Variants in SUGT1 observed in about 807,000 individuals in gnomAD.
SUGT1 encodes the protein SGT1 assembly cochaperone of MIS12 kinetochore complex.
In SUGT1, 15 loss-of-function variants were observed where a neutral mutation model predicts 56.1. The observed-to-expected ratio is 0.27, with a 90% confidence interval of 0.18 to 0.41. The LOEUF (loss-of-function observed/expected upper bound fraction) is 0.41, where lower values mean the gene tolerates loss of function less well. Among genes scored for constraint, SUGT1 ranks in the 10% least tolerant of loss-of-function variants. The pLI is 1.00. For missense variants in SUGT1, 347 were observed against 382.2 expected (o/e 0.91, Z 0.77); for synonymous variants, 123 against 128.6 (o/e 0.96, Z 0.30).
intron 11 of SUGT1, among the ~76,000 whole-genome samples, chr13:52,679,489 A>G (rs764344848): frequency 7.9e-5 from 12 of 152,186 alleles, no homozygotes; most frequent in Non-Finnish European, 1.3e-4. Context: ...TTTTCAGGCT[A>G]TTTATACTCT....
intron 12 of SUGT1, among the ~76,000 whole-genome samples, chr13:52,685,758 C>T (rs1339596188): frequency 6.6e-6 from 1 of 152,130 alleles, no homozygotes; most frequent in Non-Finnish European, 1.5e-5. Flanking sequence ...TCTATAATCT[C>T]CTTATCTAAT....
chr13:52,659,126 G>C, intron 4 of SUGT1, 53 bp from the exon 5 acceptor site: 1 of 1,385,954 alleles, frequency 7.2e-7, no homozygotes, highest in South Asian at 1.4e-5. Flanking sequence ...TAGAAAGAAG[G>C]TATTTTCCAG....
At chr13:52,670,745 T>G (rs1594243025) in intron 10 of SUGT1, among the ~76,000 whole-genome samples, 1 of 151,956 alleles carries the variant, frequency 6.6e-6, no homozygotes, top group Non-Finnish European at 1.5e-5. Context: ...GAGGCGGAGG[T>G]TGCAGTGAGC....
In SUGT1 at chr13:52,693,628, C is replaced by G. The variant is rs1963840522; in HGVS notation, c.*5793C>G. On this transcript the variant is annotated 3_prime_UTR_variant, in exon 13 of 13. Transcript: ENST00000310528. Reference sequence around the variant, plus strand: ...CTATGTAAAGGAGATAATAGGATCCCCCTCATGCCTCATGGTCTTAGTTGA... The same window carrying G: ...CTATGTAAAGGAGATAATAGGATCCGCCTCATGCCTCATGGTCTTAGTTGA... The G allele has an allele frequency of 6.6e-6, 1 of 151,676 alleles. No homozygotes were observed. The allele number at this position is 151,676 out of a possible 1,614,324, so 9.4% of individuals were successfully genotyped here.
intron 10 of SUGT1, among the ~76,000 whole-genome samples, chr13:52,668,360 G>A (rs2138137312): frequency 6.6e-6 from 1 of 152,288 alleles, no homozygotes; most frequent in Non-Finnish European, 1.5e-5. Context: ...GACATGTGAA[G>A]TTTCCTGTTG....
intron 9 of SUGT1, 47 bp downstream of exon 9, chr13:52,665,780 A>C (rs370981288): frequency 7.8e-7 from 1 of 1,280,964 alleles, no homozygotes; most frequent in African/African-American, 1.5e-5. Context: ...ATTATTTGCA[A>C]ATTTAGTATA....
rs1251507992 is a variant in SUGT1, at chr13:52,685,181, C to A, written c.901-2553C>A. On this transcript the variant is annotated intron_variant, in intron 12 of 12. Transcript: ENST00000310528. The stretch of plus-strand genomic sequence containing the variant: ...TCCTGAGCTGAAGTGATCCTCCCAC[C>A]TGAGCCTCCTAAGTAGCTTGCACTA... Among the ~76,000 whole-genome samples the A allele has an allele frequency of 4.6e-5, 7 of 151,682 alleles. No homozygotes were observed. In the East Asian group the frequency reaches 1.4e-3, roughly 29 times the overall value.
rs767610057 is a variant in SUGT1, at chr13:52,657,600, C to G, written c.165C>G (p.His55Gln). The change falls in exon 3 of 13, where the codon CAC (histidine) becomes CAG (glutamine). Residue 55 changes from histidine (H) to glutamine (Q), a missense_variant. Transcript: ENST00000310528. ...AQYYCQRAYCHILLGNYCVAV... is the reference protein window; with the variant it reads ...AQYYCQRAYCQILLGNYCVAV... ...ATTATTGTCAAAGAGCTTATTGTCA[C>G]ATTCTTCTTGGGAATTACTGTGGTA... 1.2e-6 allele frequency: 2 copies of G among 1,613,608 alleles called. No homozygotes were observed. Among genetic ancestry groups the G allele is most frequent in the East Asian group, 4.5e-5 (2 of 44,822 alleles).
At chr13:52,686,250 C>A (rs79475432) in intron 12 of SUGT1, among the ~76,000 whole-genome samples, 2,345 of 152,174 alleles carry the variant, frequency 0.015, 61 homozygotes, top group African/African-American at 0.053. Flanking sequence ...ATTATACAGA[C>A]TTGTCAAATG....
At chr13:52,663,057 A>G (rs1373249792) in intron 6 of SUGT1, 39 bp from the exon 7 acceptor site, 3 of 1,601,202 alleles carry the variant, frequency 1.9e-6, no homozygotes, top group Admixed American at 3.5e-5. Context: ...TTAAAAATGC[A>G]CTGTTCCCTG....
At chr13:52,662,567 G>T (rs1440387200) in intron 5 of SUGT1, 82 bp from the exon 6 acceptor site, 46 of 1,442,064 alleles carry the variant, frequency 3.2e-5, no homozygotes, top group Non-Finnish European at 4.3e-5. Flanking sequence ...CACTGCCTGG[G>T]ATGTAGTAGG....
At chr13:52,657,165 T>G (rs1416874363) in intron 2 of SUGT1, among the ~76,000 whole-genome samples, 1 of 152,210 alleles carries the variant, frequency 6.6e-6, no homozygotes, top group Non-Finnish European at 1.5e-5. Context: ...AATCTCAAAT[T>G]CTATATGGTG....
intron 10 of SUGT1, among the ~76,000 whole-genome samples, chr13:52,668,783 A>T (rs1962817582): frequency 6.6e-6 from 1 of 151,374 alleles, no homozygotes; most frequent in Non-Finnish European, 1.5e-5. Flanking sequence ...GTGAGCTGAG[A>T]TCACTACGTT....
chr13:52,695,300 G>C lies in SUGT1; in HGVS notation c.*7465G>C, dbSNP rs949444460. The stretch of plus-strand genomic sequence containing the variant: ...ATTATTTTGCTATTTCAAAACAATT[G>C]ACTTTAAAAAATTATACTTCACCAC... On this transcript the variant is annotated 3_prime_UTR_variant, in exon 13 of 13. Transcript: ENST00000310528. 2.6e-5 allele frequency: 4 copies of C among 152,006 alleles called. No homozygotes were observed. Among genetic ancestry groups the C allele is most frequent in the African/African-American group, 9.7e-5 (4 of 41,398 alleles). 9.4% of individuals were successfully genotyped at this position (152,006 alleles called of 1,614,324 possible).
At chr13:52,681,971 C>T (rs1458306354) in intron 12 of SUGT1, among the ~76,000 whole-genome samples, 1 of 134,294 alleles carries the variant, frequency 7.4e-6, no homozygotes, top group East Asian at 2.5e-4. Context: ...ATCTGGCAAT[C>T]TTTGTCAGAT....
At chr13:52,661,470 T>G (rs1962446734) in intron 5 of SUGT1, 1 of 296,970 alleles carries the variant, frequency 3.4e-6, no homozygotes, top group Non-Finnish European at 6.6e-6. Context: ...TTTTTGTATT[T>G]TTAGTAGAGA....
chr13:52,658,575 A>G, intron 4 of SUGT1, 107 bp downstream of exon 4: 2 of 992,294 alleles, frequency 2.0e-6, no homozygotes, highest in Non-Finnish European at 2.9e-6. Flanking sequence ...TTCTGTATTT[A>G]TACATTATAT....
In SUGT1 at chr13:52,700,855, C is replaced by T. The variant is rs978564337; in HGVS notation, c.*13020C>T. 6.6e-6 allele frequency: 1 copy of T among 152,144 alleles called. No individual in the cohort carries two copies. The highest frequency in any genetic ancestry group is 1.5e-5 in the Non-Finnish European group (1 of 68,014). 9.4% of individuals were successfully genotyped at this position (152,144 alleles called of 1,614,324 possible). On this transcript the variant is annotated 3_prime_UTR_variant, in exon 13 of 13. Coordinates refer to ENST00000310528, the MANE Select transcript of SUGT1 (RefSeq NM_006704.5). ...AAGTCAATCCACTCACAAAGAATTT[C>T]TATTTTGTAAAAATGTAGCTTGTAT...
At chr13:52,659,772 A>T (rs1962335699) in intron 5 of SUGT1, among the ~76,000 whole-genome samples, 1 of 143,606 alleles carries the variant, frequency 7.0e-6, no homozygotes, top group Non-Finnish European at 1.5e-5. Context: ...AGACATATAG[A>T]AATTGTGAGA....
Sources: allele counts gnomAD v4.1 joint callset (sites outside exome capture counted in the v4.1 genomes callset), GRCh38; gene constraint gnomAD v4.1.1; transcripts MANE v1.5; gene names NCBI Gene and HGNC (gene_info 2026-07-23, HGNC 2026-07-21).